The following CDH8 variants were observed in gnomAD, a reference collection of about 807,000 sequenced individuals.
The protein encoded by CDH8 is cadherin 8, also known as cadherin-8.
In CDH8, 17 loss-of-function variants were observed where a neutral mutation model predicts 68.1. The observed-to-expected ratio is 0.25, with a 90% CI of 0.17 to 0.37. The LOEUF is 0.37. Among genes scored for constraint, CDH8 ranks in the 10% least tolerant of loss-of-function variants. The pLI is 1.00. For synonymous variants in CDH8, 372 were observed against 365.1 expected (o/e 1.02, Z -0.21); for missense variants, 763 against 999.3 (o/e 0.76, Z 3.19).
At chr16:61,659,643 G>A (rs1963517606) in intron 10 of CDH8, among the ~76,000 whole-genome samples, 1 of 152,038 alleles carries the variant, frequency 6.6e-6, no homozygotes, top group African/African-American at 2.4e-5. Context: ...ACTGGGAGAG[G>A]CAAGCCAAAA....
chr16:61,778,180 T>C (rs1430386178), intron 8 of CDH8, among the ~76,000 whole-genome samples: 2 of 152,098 alleles, frequency 1.3e-5, no homozygotes, highest in Non-Finnish European at 2.9e-5. Flanking sequence ...AACTCAATAA[T>C]AGCTTCTCTC....
intron 4 of CDH8, among the ~76,000 whole-genome samples, chr16:61,831,795 C>T (rs1237851757): frequency 6.6e-6 from 1 of 151,766 alleles, no homozygotes; most frequent in Admixed American, 6.6e-5. Context: ...CCAGATTGTG[C>T]TGTTCAAAGA....
chr16:61,917,352 A>C (rs994195830), intron 2 of CDH8, among the ~76,000 whole-genome samples: 3 of 152,146 alleles, frequency 2.0e-5, no homozygotes, highest in Non-Finnish European at 4.4e-5. Context: ...TGGGAATGCA[A>C]CATCCTGAGA....
intron 10 of CDH8, among the ~76,000 whole-genome samples, chr16:61,671,219 T>C (rs1020338425): frequency 1.3e-5 from 2 of 152,074 alleles, no homozygotes; most frequent in Admixed American, 1.3e-4. Context: ...GGATGGGCCC[T>C]GGGTATCTGC....
chr16:61,753,607 T>C (rs1413150398), intron 8 of CDH8, among the ~76,000 whole-genome samples: 1 of 152,202 alleles, frequency 6.6e-6, no homozygotes, highest in Non-Finnish European at 1.5e-5. Flanking sequence ...AAACAATTTT[T>C]ATTCATAAAG....
At chr16:62,011,279 G>T (rs1901806499) in intron 2 of CDH8, among the ~76,000 whole-genome samples, 1 of 152,150 alleles carries the variant, frequency 6.6e-6, no homozygotes, top group South Asian at 2.1e-4. Flanking sequence ...GTAGTCCATG[G>T]AACTGAGCAG....
At chr16:61,683,696 T>C (rs1964053289) in intron 10 of CDH8, among the ~76,000 whole-genome samples, 1 of 152,040 alleles carries the variant, frequency 6.6e-6, no homozygotes, top group South Asian at 2.1e-4. Context: ...TATCTTTGGA[T>C]GGTTCATGGT....
chr16:61,929,781 T>C (rs1025505650), intron 2 of CDH8, among the ~76,000 whole-genome samples: 2 of 152,046 alleles, frequency 1.3e-5, no homozygotes, highest in African/African-American at 4.8e-5. Flanking sequence ...TTCCAGCCAC[T>C]TGGGTAGCTG....
chr16:61,700,539 A>G (rs1964406420), intron 10 of CDH8, among the ~76,000 whole-genome samples: 1 of 152,156 alleles, frequency 6.6e-6, no homozygotes, highest in Non-Finnish European at 1.5e-5. Context: ...TCGGCCTACC[A>G]AAGTGCTGGG....
At chr16:61,880,070 C>A (rs1848817) in intron 3 of CDH8, among the ~76,000 whole-genome samples, 2 of 151,948 alleles carry the variant, frequency 1.3e-5, no homozygotes, top group South Asian at 4.2e-4. Context: ...GGACTACAGG[C>A]GCCCACCACC....
At chr16:61,972,134 G>C (rs916716792) in intron 2 of CDH8, among the ~76,000 whole-genome samples, 2 of 152,086 alleles carry the variant, frequency 1.3e-5, no homozygotes, top group Non-Finnish European at 2.9e-5. Context: ...AGTCTCATGA[G>C]ATCTAATGAT....
chr16:61,828,644 G>C (rs1962393491), intron 4 of CDH8, among the ~76,000 whole-genome samples: 1 of 151,672 alleles, frequency 6.6e-6, no homozygotes. Context: ...CTTGTAAGTG[G>C]ACCCTCATAG....
intron 10 of CDH8, among the ~76,000 whole-genome samples, chr16:61,696,945 A>C (rs1299465571): frequency 6.6e-6 from 1 of 152,096 alleles, no homozygotes; most frequent in African/African-American, 2.4e-5. Context: ...CACTCGGGGG[A>C]GGAAGAGGAG....
chr16:61,875,377 C>T (rs993782138), intron 3 of CDH8, among the ~76,000 whole-genome samples: 1 of 152,054 alleles, frequency 6.6e-6, no homozygotes, highest in Non-Finnish European at 1.5e-5. Flanking sequence ...ATGAACATCA[C>T]CTGAATTACA....
intron 3 of CDH8, among the ~76,000 whole-genome samples, chr16:61,858,738 G>A (rs1220098900): frequency 1.3e-5 from 2 of 152,130 alleles, no homozygotes; most frequent in African/African-American, 4.8e-5. Flanking sequence ...AGCCTCATTG[G>A]ACTCCATAGG....
chr16:61,817,399 C>G, intron 7 of CDH8, 80 bp downstream of exon 7: 2 of 1,409,164 alleles, frequency 1.4e-6, no homozygotes, highest in Non-Finnish European at 2.0e-6. Flanking sequence ...GAGAGCCCCA[C>G]AGAAGGTACA....
intron 1 of CDH8, among the ~76,000 whole-genome samples, chr16:62,029,959 G>T: frequency 6.6e-6 from 1 of 152,140 alleles, no homozygotes; most frequent in Non-Finnish European, 1.5e-5. Context: ...CCCATAATGG[G>T]GGCTTCAGAG....
At chr16:62,032,335 G>C (rs997976138) in intron 1 of CDH8, among the ~76,000 whole-genome samples, 2 of 152,140 alleles carry the variant, frequency 1.3e-5, no homozygotes, top group Admixed American at 6.5e-5. Flanking sequence ...GTATATGTGT[G>C]TGTGTTATTT....
rs192178828 is a variant in CDH8 at position 61,661,019 on chromosome 16, A to T, written c.1655-5298T>A. 2.0e-5 allele frequency among the ~76,000 whole-genome samples: 3 copies of T among 152,142 alleles called. No individual in the cohort carries two copies. In the East Asian group the frequency reaches 5.8e-4, roughly 29 times the overall value. ...TATCAGAGACAATAAGTATCTACTTAAAAAAGACAATATAAATGCATAGTT... is the reference window on the plus strand; with the variant it reads ...TATCAGAGACAATAAGTATCTACTTTAAAAAGACAATATAAATGCATAGTT... On this transcript the variant is annotated intron_variant, in intron 10 of 11. Coordinates refer to ENST00000577390, the MANE Select transcript of CDH8 (RefSeq NM_001796.5).
Sources: gnomAD v4.1 joint callset for allele counts (sites outside exome capture counted in the v4.1 genomes callset) on GRCh38, gnomAD v4.1.1 for gene constraint, MANE v1.5 for transcripts, NCBI Gene and HGNC (gene_info 2026-07-23, HGNC 2026-07-21) for gene names.